The following FRMD5 variants were observed in gnomAD, a reference collection of about 807,000 sequenced individuals.
FRMD5 encodes the protein FERM domain containing 5.
A neutral mutation model predicts 69.0 loss-of-function variants in FRMD5; 20 were observed. That is an observed-to-expected ratio of 0.29 (90% CI 0.20 to 0.42). The LOEUF (loss-of-function observed/expected upper bound fraction) is 0.42, where lower values mean the gene tolerates loss of function less well. Among genes scored for constraint, FRMD5 ranks in the 10% least tolerant of loss-of-function variants. The pLI, the probability that FRMD5 is intolerant of heterozygous loss-of-function variation, is 1.00. For missense variants in FRMD5, 595 were observed against 708.6 expected (o/e 0.84, Z 1.82); for synonymous variants, 271 against 260.1 (o/e 1.04, Z -0.40).
At chr15:44,182,512 G>C (rs1595565403) in intron 1 of FRMD5, among the ~76,000 whole-genome samples, 1 of 151,390 alleles carries the variant, frequency 6.6e-6, no homozygotes, top group Admixed American at 6.6e-5. Flanking sequence ...TGTATTTTTA[G>C]TAGAGACGAG....
intron 1 of FRMD5, chr15:43,989,889 G>A: frequency 9.1e-7 from 1 of 1,103,656 alleles, no homozygotes; most frequent in Admixed American, 1.7e-5. Flanking sequence ...GGTGCTCCTT[G>A]GCAGCCACAC....
chr15:44,136,999 T>C (rs748713612), intron 1 of FRMD5, among the ~76,000 whole-genome samples: 1 of 152,064 alleles, frequency 6.6e-6, no homozygotes, highest in Non-Finnish European at 1.5e-5. Flanking sequence ...CAATTGCAGG[T>C]ATAAAAAAAC....
Position 44,001,670 on chromosome 15 carries a change from G to A in FRMD5, c.103-77361C>T, listed in dbSNP as rs113612607. Among the ~76,000 whole-genome samples the A allele has an allele frequency of 7.3e-3, 1,100 of 150,956 alleles. 20 individuals carry two copies. The highest frequency in any genetic ancestry group is 0.026 in the African/African-American group (1,051 of 41,060). On this transcript the variant is annotated intron_variant, in intron 1 of 13. Coordinates refer to ENST00000417257, the MANE Select transcript of FRMD5 (RefSeq NM_032892.5). ...CATTCAGGCTGGAGTCCAGTGGCAT[G>A]AACACAGCTCACTGCAGCCTCCGCT...
At chr15:43,967,149 G>A (rs1447804289) in intron 1 of FRMD5, among the ~76,000 whole-genome samples, 2 of 151,786 alleles carry the variant, frequency 1.3e-5, no homozygotes, top group Non-Finnish European at 2.9e-5. Context: ...TTACAGTTTT[G>A]TGTCATTTTA....
At chr15:44,111,109 T>G (rs1261150287) in intron 1 of FRMD5, among the ~76,000 whole-genome samples, 1 of 152,176 alleles carries the variant, frequency 6.6e-6, no homozygotes, top group African/African-American at 2.4e-5. Flanking sequence ...AACTACAAAA[T>G]CTTTCCTTTC....
intron 1 of FRMD5, among the ~76,000 whole-genome samples, chr15:43,928,428 A>G (rs1420122497): frequency 6.6e-6 from 1 of 152,226 alleles, no homozygotes; most frequent in African/African-American, 2.4e-5. Context: ...GGGTTGCGAC[A>G]AAGCCCTTCC....
At chr15:44,042,591 A>G (rs977152585) in intron 1 of FRMD5, among the ~76,000 whole-genome samples, 1 of 152,108 alleles carries the variant, frequency 6.6e-6, no homozygotes, top group Non-Finnish European at 1.5e-5. Flanking sequence ...CGATCAAGTC[A>G]GCTTCATCCC....
At chr15:43,918,325 G>A (rs1211092086) in intron 4 of FRMD5, among the ~76,000 whole-genome samples, 4 of 152,222 alleles carry the variant, frequency 2.6e-5, no homozygotes, top group Non-Finnish European at 5.9e-5. Flanking sequence ...TCAGGAGGCT[G>A]AGGCAGGAGA....
chr15:44,119,547 G>C (rs1359564268), intron 1 of FRMD5, among the ~76,000 whole-genome samples: 1 of 151,984 alleles, frequency 6.6e-6, no homozygotes, highest in Non-Finnish European at 1.5e-5. Flanking sequence ...AAATATCCCT[G>C]GGAGGGATAT....
At chr15:43,953,686 T>G (rs1350482229) in intron 1 of FRMD5, among the ~76,000 whole-genome samples, 1 of 152,208 alleles carries the variant, frequency 6.6e-6, no homozygotes, top group Non-Finnish European at 1.5e-5. Context: ...TTAGCTATAA[T>G]TTACACTCCT....
intron 13 of FRMD5, among the ~76,000 whole-genome samples, chr15:43,876,944 CTT>C (rs1254242731): frequency 2.6e-5 from 4 of 152,154 alleles, no homozygotes; most frequent in Non-Finnish European, 5.9e-5. Flanking sequence ...CCCATTATCT[CTT>C]CTCTCTTCCC....
intron 1 of FRMD5, among the ~76,000 whole-genome samples, chr15:44,129,139 A>G (rs2140414861): frequency 6.6e-6 from 1 of 152,348 alleles, no homozygotes; most frequent in South Asian, 2.1e-4. Context: ...AATGTCAATT[A>G]TATTGGAAAC....
At chr15:43,989,528 A>G in intron 1 of FRMD5, 2 of 900,210 alleles carry the variant, frequency 2.2e-6, no homozygotes, top group African/African-American at 1.6e-5. Flanking sequence ...GTCCAGGGTG[A>G]CATAGCACAG....
intron 1 of FRMD5, among the ~76,000 whole-genome samples, chr15:44,094,920 C>A (rs1380994199): frequency 6.6e-6 from 1 of 151,988 alleles, no homozygotes; most frequent in Non-Finnish European, 1.5e-5. Context: ...AAAGCTTTGA[C>A]AAAATTATTA....
chr15:44,190,579 C>T (rs953292053), intron 1 of FRMD5, among the ~76,000 whole-genome samples: 24 of 152,288 alleles, frequency 1.6e-4, no homozygotes, highest in African/African-American at 2.9e-4. Context: ...ACTAATTCAA[C>T]AAAGGATAAT....
intron 1 of FRMD5, among the ~76,000 whole-genome samples, chr15:44,039,634 A>G (rs1377755189): frequency 6.6e-6 from 1 of 152,194 alleles, no homozygotes; most frequent in Non-Finnish European, 1.5e-5. Flanking sequence ...AGCAACATCA[A>G]CAAAAAGGAT....
chr15:44,009,703 T>A (rs1454955828), intron 1 of FRMD5, among the ~76,000 whole-genome samples: 1 of 151,664 alleles, frequency 6.6e-6, no homozygotes, highest in African/African-American at 2.4e-5. Context: ...TTTTATGGAG[T>A]TTTTTTGAGG....
At chr15:44,191,615 C>A (rs1314700543) in intron 1 of FRMD5, among the ~76,000 whole-genome samples, 2 of 151,378 alleles carry the variant, frequency 1.3e-5, no homozygotes, top group Admixed American at 6.6e-5. Flanking sequence ...ATAAAATAAT[C>A]TATTCCTTAT....
At chr15:43,909,759 C>T (rs969290041) in intron 5 of FRMD5, 123 bp downstream of exon 5, 5 of 590,768 alleles carry the variant, frequency 8.5e-6, no homozygotes, top group Non-Finnish European at 1.2e-5. Flanking sequence ...GGACTACAAG[C>T]GTGAGCCACA....
Sources: allele counts gnomAD v4.1 joint callset (sites outside exome capture counted in the v4.1 genomes callset), GRCh38; gene constraint gnomAD v4.1.1; transcripts MANE v1.5; gene names NCBI Gene and HGNC (gene_info 2026-07-23, HGNC 2026-07-21).